Variants in CLTCL1 observed in about 807,000 individuals in gnomAD.
The protein encoded by CLTCL1 is clathrin heavy chain like 1, also known as clathrin heavy chain 2.
In CLTCL1, 159 loss-of-function variants were observed where a neutral mutation model predicts 190.0. That is an observed-to-expected ratio of 0.84 (90% CI 0.74 to 0.95). The LOEUF (loss-of-function observed/expected upper bound fraction) is 0.95. Among genes scored for constraint, CLTCL1 ranks in the 40% least tolerant of loss-of-function variants. The probability of loss-of-function intolerance (pLI) is 0.00; values close to 1 mark genes in which losing one functional copy is unlikely to be tolerated. For synonymous variants in CLTCL1, 752 were observed against 769.6 expected (o/e 0.98, Z 0.38); for missense variants, 1,878 against 2,033.4 (o/e 0.92, Z 1.47).
intron 22 of CLTCL1, chr22:19,207,571 G>A (rs372425013): frequency 5.9e-5 from 24 of 404,968 alleles, no homozygotes; most frequent in East Asian, 1.8e-4. Context: ...CTAAAGCAGC[G>A]GTCCCCAACC....
In CLTCL1 at chr22:19,233,165, C is replaced by T. The variant is rs782039526; in HGVS notation, c.1521+1G>A. The T allele has an allele frequency of 3.5e-5, 56 of 1,611,494 alleles. No individual in the cohort carries two copies. Among genetic ancestry groups the T allele is most frequent in the Non-Finnish European group, 4.4e-5 (52 of 1,177,956 alleles). On this transcript the variant is annotated splice_donor_variant, in intron 9 of 32. Coordinates refer to ENST00000427926, the MANE Select transcript of CLTCL1 (RefSeq NM_007098.4). LOFTEE classifies it high-confidence loss of function. ...GATGCCAGTGGTTCAACACACGTTA[C>T]CTTTTTGGCATAGAGCACAATTTTC...
rs782448899 is a variant in CLTCL1, at chr22:19,233,335, G to A, written c.1369-17C>T. ...GCACTCCAGCTGTGGTATGCCAAGG[G>A]ACAAGGCAAAGTTAGGAGGCAGGTA... On this transcript the variant is annotated splice_polypyrimidine_tract_variant and intron_variant, in intron 8 of 32. Coordinates refer to ENST00000427926, the MANE Select transcript of CLTCL1 (RefSeq NM_007098.4). 3.1e-6 allele frequency: 5 copies of A among 1,611,232 alleles called. No homozygotes were observed. The highest frequency in any genetic ancestry group is 4.2e-6 in the Non-Finnish European group (5 of 1,177,512).
chr22:19,246,389 A>G (rs2086420588), intron 3 of CLTCL1, among the ~76,000 whole-genome samples: 1 of 151,998 alleles, frequency 6.6e-6, no homozygotes, highest in Non-Finnish European at 1.5e-5. Context: ...GAACCACCAA[A>G]CTGCTTTCCA....
intron 30 of CLTCL1, chr22:19,183,028 T>A (rs1555926496): frequency 3.5e-6 from 1 of 285,232 alleles, no homozygotes; most frequent in Non-Finnish European, 6.8e-6. Context: ...CACTGGGAGC[T>A]CCTCAGGGAG....
chr22:19,250,544 AT>A (rs1393453370), intron 3 of CLTCL1, among the ~76,000 whole-genome samples: 4 of 110,994 alleles, frequency 3.6e-5, no homozygotes, highest in African/African-American at 1.4e-4. Flanking sequence ...ACCACATTCT[AT>A]TTTTTTTAAC....
chr22:19,203,643 A>C (rs1272673795), intron 22 of CLTCL1, among the ~76,000 whole-genome samples: 1 of 151,722 alleles, frequency 6.6e-6, no homozygotes, highest in Non-Finnish European at 1.5e-5. Context: ...TCTTTGGTCC[A>C]TCCCCCCCCA....
At chr22:19,203,644 TC>T (rs1209431992) in intron 22 of CLTCL1, among the ~76,000 whole-genome samples, 11 of 150,714 alleles carry the variant, frequency 7.3e-5, no homozygotes, top group Admixed American at 3.3e-4. Flanking sequence ...CTTTGGTCCA[TC>T]CCCCCCCAGC....
At chr22:19,204,480 C>T (rs1175750464) in intron 22 of CLTCL1, among the ~76,000 whole-genome samples, 1 of 152,196 alleles carries the variant, frequency 6.6e-6, no homozygotes, top group African/African-American at 2.4e-5. Context: ...CTTATCCCTG[C>T]CCCGCTTCAC....
At chr22:19,284,845 T>C (rs1359049179) in intron 1 of CLTCL1, among the ~76,000 whole-genome samples, 2 of 151,550 alleles carry the variant, frequency 1.3e-5, no homozygotes, top group African/African-American at 4.9e-5. Context: ...TCCGAGCTAC[T>C]CAGGAGGCTG....
chr22:19,219,170 T>TTTAA (rs1555951026), intron 18 of CLTCL1, among the ~76,000 whole-genome samples: 5 of 130,666 alleles, frequency 3.8e-5, no homozygotes, highest in African/African-American at 1.4e-4. Context: ...TATTTATTTA[T>TTTAA]TTATTTATTT....
At chr22:19,196,875 C>A (rs1555936207) in intron 24 of CLTCL1, among the ~76,000 whole-genome samples, 2 of 152,204 alleles carry the variant, frequency 1.3e-5, no homozygotes, top group Non-Finnish European at 2.9e-5. Context: ...CACTGCACTA[C>A]AATTTTCAAG....
At chr22:19,251,475 T>G (rs1431931567) in intron 3 of CLTCL1, among the ~76,000 whole-genome samples, 2 of 152,252 alleles carry the variant, frequency 1.3e-5, no homozygotes, top group Non-Finnish European at 2.9e-5. Context: ...GTTTTGTTTC[T>G]GAGACGGAGT....
chr22:19,253,865 C>T, intron 3 of CLTCL1, 94 bp downstream of exon 3: 1 of 1,452,862 alleles, frequency 6.9e-7, no homozygotes, highest in Non-Finnish European at 9.3e-7. Context: ...CGCACCTGGC[C>T]CTATAACCAA....
At chr22:19,235,915 G>A in intron 5 of CLTCL1, 46 bp from the exon 6 acceptor site, 1 of 1,513,564 alleles carries the variant, frequency 6.6e-7, no homozygotes. Context: ...AGGAGGAGAA[G>A]CCATGCGGGT....
chr22:19,239,368 T>TA lies in CLTCL1; in HGVS notation c.701_702insT (p.Gln235ThrfsTer25). On this transcript the variant is annotated frameshift_variant, in exon 5 of 33. Transcript: ENST00000427926. LOFTEE classifies it high-confidence loss of function. ...AAGGTTGGTTTCCCGCTGCAGGCTG[T>TA]CCAACTTCAATGATGTGCAACTAGA... is the stretch of plus-strand genomic sequence containing the variant. 1 of 1,613,934 alleles carries TA rather than the reference T, an allele frequency of 6.2e-7. No homozygotes were observed. Among genetic ancestry groups the TA allele is most frequent in the Non-Finnish European group, 8.5e-7 (1 of 1,179,840 alleles).
At position 19,221,520 on chromosome 22, in the gene CLTCL1, C is replaced by G; in HGVS notation, c.2653G>C (p.Asp885His). 6.2e-7 allele frequency: 1 copy of G among 1,605,034 alleles called. No homozygotes were observed. Among genetic ancestry groups the G allele is most frequent in the Non-Finnish European group, 8.5e-7 (1 of 1,175,628 alleles). The stretch of plus-strand genomic sequence containing the variant: ...AAGCACTCGGGGCTGTTGTTGCTGT[C>G]GATGTAGATTTTAGCCAGTGCATTG... ...THNALAKIYIDSNNSPECFLR... is the reference protein window; with the variant it reads ...THNALAKIYIHSNNSPECFLR... The change falls in exon 17 of 33, where the codon GAC becomes CAC. Residue 885 changes from aspartate (D) to histidine (H), a missense_variant. Coordinates refer to ENST00000427926, the MANE Select transcript of CLTCL1 (RefSeq NM_007098.4).
chr22:19,182,741 A>C (rs559660305), intron 30 of CLTCL1: 15 of 152,410 alleles, frequency 9.8e-5, no homozygotes, highest in African/African-American at 3.4e-4. Flanking sequence ...ATGCTACTGG[A>C]AGTAGCTTTT....
At chr22:19,231,442 C>T (rs963403627) in intron 10 of CLTCL1, among the ~76,000 whole-genome samples, 1 of 152,150 alleles carries the variant, frequency 6.6e-6, no homozygotes, top group South Asian at 2.1e-4. Flanking sequence ...TGCCCAGGCT[C>T]CCTTTCATAT....
Position 19,209,079 on chromosome 22 carries a change from T to C in CLTCL1, c.3285A>G (p.Ala1095=), listed in dbSNP as rs1197684995. 6.2e-7 allele frequency: 1 copy of C among 1,608,392 alleles called. No individual in the cohort carries two copies. The highest frequency in any genetic ancestry group is 2.2e-5 in the East Asian group (1 of 44,674). The change falls in exon 21 of 33, where the codon GCA becomes GCG. Residue 1095 remains alanine (A), a synonymous_variant. Coordinates refer to ENST00000427926, the MANE Select transcript of CLTCL1 (RefSeq NM_007098.4). ...LIEHIGNLDR[A]YEFAERCNEP... The stretch of plus-strand genomic sequence containing the variant: ...CATTGCATCTCTCCGCAAACTCATA[T>C]GCCCGGTCCAGGTTTCCAATGTGCT...
Sources: allele counts gnomAD v4.1 joint callset (sites outside exome capture counted in the v4.1 genomes callset), GRCh38; gene constraint gnomAD v4.1.1; transcripts MANE v1.5; gene names NCBI Gene and HGNC (gene_info 2026-07-23, HGNC 2026-07-21).